Variants in NUP188 observed in about 807,000 individuals in gnomAD.
The protein encoded by NUP188 is nucleoporin NUP188.
Under a neutral mutation model 223.0 loss-of-function variants are expected in NUP188, and 97 were observed. The observed-to-expected ratio is 0.43, with a 90% CI of 0.37 to 0.51. NUP188 has a LOEUF of 0.51. Ranked by LOEUF, NUP188 falls within the 20% of genes least tolerant of loss-of-function variation. The probability of loss-of-function intolerance (pLI) is 0.00; values close to 1 mark genes in which losing one functional copy is unlikely to be tolerated. For missense variants in NUP188, 1,947 were observed against 2,175.6 expected, an observed-to-expected ratio of 0.89 and a Z score of 2.09; for synonymous variants, 869 against 828.0, an observed-to-expected ratio of 1.05 and a Z score of -0.85.
chr9:128,964,916 C>T (rs960493911), intron 8 of NUP188, among the ~76,000 whole-genome samples: 37 of 152,084 alleles, frequency 2.4e-4, no homozygotes, highest in African/African-American at 7.7e-4. Flanking sequence ...CCATGTTGGC[C>T]AGGCTAGTCT....
intron 2 of NUP188, among the ~76,000 whole-genome samples, chr9:128,951,569 T>A (rs1319564074): frequency 6.6e-6 from 1 of 152,196 alleles, no homozygotes; most frequent in African/African-American, 2.4e-5. Flanking sequence ...AGAGGAATGG[T>A]AAATGAATTA....
At chr9:128,998,447 TG>T in intron 31 of NUP188, 90 bp from the exon 32 acceptor site, 1 of 1,199,194 alleles carries the variant, frequency 8.3e-7, no homozygotes. Context: ...AGCTCACTGC[TG>T]GGGAAGAAAG....
chr9:129,001,027 G>A (rs544253036), intron 34 of NUP188, among the ~76,000 whole-genome samples: 27 of 152,110 alleles, frequency 1.8e-4, no homozygotes, highest in South Asian at 8.3e-4. Context: ...ACAGAGCGAG[G>A]CTCCATCTCA....
intron 33 of NUP188, 41 bp downstream of exon 33, chr9:128,999,358 C>G (rs776170707): frequency 1.2e-6 from 2 of 1,604,168 alleles, no homozygotes; most frequent in South Asian, 2.2e-5. Flanking sequence ...TGCAGTCTGC[C>G]CACTCCTGCT....
At position 128,980,493 on chromosome 9, in the gene NUP188, T is replaced by A. The variant is rs1039813656; in HGVS notation, c.1270-113T>A. ...CTTAAATTATTAAGGAGGGATGATATCTGTCTAAAAGGAAGGATTAATTCT... is the reference window on the plus strand; with the variant it reads ...CTTAAATTATTAAGGAGGGATGATAACTGTCTAAAAGGAAGGATTAATTCT... On this transcript the variant is annotated intron_variant, in intron 13 of 43. Coordinates refer to ENST00000372577, the MANE Select transcript of NUP188 (RefSeq NM_015354.3). 6.7e-6 allele frequency: 7 copies of A among 1,038,078 alleles called. No individual in the cohort carries two copies. In the African/African-American group the frequency reaches 1.1e-4, roughly 17 times the overall value. The allele number at this position is 1,038,078 out of a possible 1,614,324, so 64.3% of individuals were successfully genotyped here.
Position 129,005,273 on chromosome 9 carries a change from G to A in NUP188, c.4510-30G>A, listed in dbSNP as rs374165617. ...GGAATACCTCACGCTAGCTTCCCAA[G>A]CTCCACCTTCATTTCTTGACTCTCC... On this transcript the variant is annotated intron_variant, in intron 39 of 43. Coordinates refer to ENST00000372577, the MANE Select transcript of NUP188 (RefSeq NM_015354.3). 81 of 1,613,360 alleles carry A rather than the reference G, an allele frequency of 5.0e-5. No homozygotes were observed. In the African/African-American group the frequency reaches 9.6e-4, roughly 19 times the overall value.
chr9:128,999,551 G>T, intron 33 of NUP188, 73 bp from the exon 34 acceptor site: 3 of 1,494,986 alleles, frequency 2.0e-6, no homozygotes, highest in East Asian at 2.3e-5. Flanking sequence ...CCCCTTCCTA[G>T]GAAGGAAACC....
At chr9:128,979,892 A>C (rs1398816742) in intron 13 of NUP188, among the ~76,000 whole-genome samples, 3 of 152,158 alleles carry the variant, frequency 2.0e-5, no homozygotes, top group Admixed American at 2.0e-4. Context: ...TCGGCCTCCC[A>C]AAGTGCTGGG....
At chr9:129,006,194 G>A (rs1235157269) in intron 42 of NUP188, 45 bp from the exon 43 acceptor site, 1 of 1,614,022 alleles carries the variant, frequency 6.2e-7, no homozygotes, top group South Asian at 1.1e-5. Context: ...AGCTTGGCCA[G>A]CCTGGCCCTC....
At chr9:128,983,644 ATTTG>A (rs1588282510) in intron 19 of NUP188, 94 bp downstream of exon 19, 5 of 920,244 alleles carry the variant, frequency 5.4e-6, no homozygotes, top group South Asian at 1.5e-5. Context: ...ATTTTTATGT[ATTTG>A]TTTGTTTATT....
Position 128,947,740 on chromosome 9 carries a change from G to T in NUP188, c.21G>T (p.Gly7=), listed in dbSNP as rs775418438. The T allele has an allele frequency of 3.4e-6, 5 of 1,474,630 alleles. No homozygotes were observed. In the East Asian group the frequency reaches 7.9e-5, roughly 23 times the overall value. 91.3% of individuals were successfully genotyped at this position (1,474,630 alleles called of 1,614,324 possible). ...CGAAGATGGCGGCGGCCGCCGGCGG[G>T]CCGTGTGTGAGGTGCGGAGCGGGTC... The part of the protein sequence containing the change: MAAAAG[G]PCVRSSRELW... Residue 7 remains glycine (G), a synonymous_variant, in exon 1 of 44, where the codon GGG becomes GGT. Coordinates refer to ENST00000372577, the MANE Select transcript of NUP188 (RefSeq NM_015354.3).
chr9:128,982,617 C>G lies in NUP188; in HGVS notation c.1585C>G (p.Leu529Val). The G allele has an allele frequency of 1.2e-6, 2 of 1,614,124 alleles. No homozygotes were observed. Among genetic ancestry groups the G allele is most frequent in the Non-Finnish European group, 1.7e-6 (2 of 1,179,988 alleles). Residue 529 changes from leucine (L) to valine (V), a missense_variant, in exon 16 of 44, where the codon CTG becomes GTG. This residue lies in a region of NUP188 where 817 missense variants were observed against 865.8 expected (regional missense o/e 0.94). Coordinates refer to ENST00000372577, the MANE Select transcript of NUP188 (RefSeq NM_015354.3). ...AGTAATGTTGGATGATAGGGCATAC[C>G]TGGTACGCTGGGAATACTCCTATAG... ...GQVMLDDRAY[L>V]VRWEYSYSSW...
Position 128,981,324 on chromosome 9 carries a change from G to A in NUP188, c.1450G>A (p.Asp484Asn). The change falls in exon 15 of 44, where the codon GAT (aspartate) becomes AAT (asparagine). Residue 484 changes from aspartate to asparagine, a missense_variant. By Grantham distance (23) the Asp-to-Asn change is conservative (BLOSUM62 1). Coordinates refer to ENST00000372577, the MANE Select transcript of NUP188 (RefSeq NM_015354.3). ...TGAACTTTATAAACACAAGCCTCAT[G>A]ATGTGATCTCCCATGAAGATGGAAC... is the stretch of plus-strand genomic sequence containing the variant. ...YNELYKHKPH[D>N]VISHEDGTLW... The A allele has an allele frequency of 6.2e-7, 1 of 1,613,986 alleles. No homozygotes were observed. The highest frequency in any genetic ancestry group is 1.6e-4 in the Middle Eastern group (1 of 6,062).
At chr9:128,964,931 C>G (rs775572479) in intron 8 of NUP188, among the ~76,000 whole-genome samples, 2 of 152,102 alleles carry the variant, frequency 1.3e-5, no homozygotes, top group East Asian at 3.9e-4. Flanking sequence ...TAGTCTCACT[C>G]CTGACCTCAG....
At chr9:129,003,651 G>A (rs1251364216) in intron 38 of NUP188, 197 bp downstream of exon 38, 2 of 705,370 alleles carry the variant, frequency 2.8e-6, no homozygotes, top group Admixed American at 2.3e-5. Context: ...AGCCATGTAG[G>A]TTAAGAATTT....
At chr9:128,955,128 G>A (rs1381689888) in intron 3 of NUP188, among the ~76,000 whole-genome samples, 2 of 152,170 alleles carry the variant, frequency 1.3e-5, no homozygotes, top group East Asian at 3.9e-4. Flanking sequence ...TGGGATTACA[G>A]GCGTGAGCCA....
At chr9:128,982,379 G>A (rs1415122000) in intron 15 of NUP188, among the ~76,000 whole-genome samples, 170 bp from the exon 16 acceptor site, 4 of 151,854 alleles carry the variant, frequency 2.6e-5, no homozygotes, top group East Asian at 3.9e-4. Flanking sequence ...GCAGCGAGCC[G>A]AGATCGCGCC....
At chr9:128,957,546 G>A (rs1470536409) in intron 5 of NUP188, among the ~76,000 whole-genome samples, 1 of 151,856 alleles carries the variant, frequency 6.6e-6, no homozygotes, top group African/African-American at 2.4e-5. Context: ...CTCACTGGAA[G>A]CTCTGTCTCC....
Position 128,968,619 on chromosome 9 carries a change from T to A in NUP188, c.699T>A (p.Leu233=). The change falls in exon 9 of 44, where the codon CTT becomes CTA. Residue 233 remains leucine, a synonymous_variant. Transcript: ENST00000372577. ...TTGAGATGGCACCCAGTGACTTACT[T>A]GTATTAACCAAGATGTTTAAAGAGC... ...AYFEMAPSDL[L]VLTKMFKEQG... The A allele has an allele frequency of 1.2e-6, 2 of 1,614,092 alleles. No homozygotes were observed.
Sources: gnomAD v4.1 joint callset for allele counts (sites outside exome capture counted in the v4.1 genomes callset) on GRCh38, gnomAD v4.1.1 for gene constraint, gnomAD v4.1.1 regional missense constraint, MANE v1.5 for transcripts, NCBI Gene and HGNC (gene_info 2026-07-23, HGNC 2026-07-21) for gene names.